The following GRM5 variants were observed in gnomAD, a reference collection of about 807,000 sequenced individuals.
GRM5 encodes metabotropic glutamate receptor 5.
Under a neutral mutation model 83.1 loss-of-function variants are expected in GRM5, and 19 were observed. That is an observed-to-expected ratio of 0.23 (90% confidence interval 0.16 to 0.34). The LOEUF (loss-of-function observed/expected upper bound fraction) is 0.34, where lower values mean the gene tolerates loss of function less well. Ranked by LOEUF, GRM5 falls within the 10% of genes least tolerant of loss-of-function variation. The probability of loss-of-function intolerance (pLI) is 1.00; values close to 1 mark genes in which losing one functional copy is unlikely to be tolerated. For synonymous variants in GRM5, 675 were observed against 633.6 expected (o/e 1.07, Z -0.98); for missense variants, 1,160 against 1,588.3 (o/e 0.73, Z 4.58).
rs547489355 is a variant in GRM5, at chr11:88,979,438, C to T, written c.661+67774G>A. ...ATACATATATCAAGTGACAAATGTT[C>T]TGTGAGTCTGACATAAATTTCCAAG... On this transcript the variant is annotated intron_variant, in intron 2 of 9. Coordinates refer to ENST00000305447, the MANE Select transcript of GRM5 (RefSeq NM_001143831.3). Among the ~76,000 whole-genome samples the T allele has an allele frequency of 8.5e-5, 13 of 152,266 alleles. No individual in the cohort carries two copies. The South Asian group carries it at 2.5e-3, about 29-fold the overall frequency.
intron 3 of GRM5, among the ~76,000 whole-genome samples, chr11:88,814,653 C>G (rs1943639754): frequency 6.6e-6 from 1 of 152,152 alleles, no homozygotes; most frequent in African/African-American, 2.4e-5. Context: ...TTCCAACTAA[C>G]TGAACTGCAT....
At chr11:88,587,019 C>T (rs992690542) in intron 7 of GRM5, among the ~76,000 whole-genome samples, 2 of 152,050 alleles carry the variant, frequency 1.3e-5, no homozygotes, top group African/African-American at 2.4e-5. Context: ...ACGTATTTAC[C>T]GAAAGCTTAC....
chr11:88,984,542 G>A (rs1939634756), intron 2 of GRM5, among the ~76,000 whole-genome samples: 2 of 152,024 alleles, frequency 1.3e-5, no homozygotes, highest in South Asian at 4.1e-4. Flanking sequence ...AGTGACATAT[G>A]ACTATAAATG....
At chr11:88,974,894 A>C (rs1415715655) in intron 2 of GRM5, among the ~76,000 whole-genome samples, 1 of 152,238 alleles carries the variant, frequency 6.6e-6, no homozygotes, top group Non-Finnish European at 1.5e-5. Context: ...GAAGTGATTC[A>C]TAAGAAGTAG....
chr11:89,048,082 A>G lies in GRM5; in HGVS notation c.-200-10T>C, dbSNP rs1462953611. The stretch of plus-strand genomic sequence containing the variant: ...TCATGATCTTCTAAACCTGAAAAAA[A>G]AAAAATAACATGGGTCTTTAACAAA... On this transcript the variant is annotated splice_polypyrimidine_tract_variant and intron_variant, in intron 1 of 9. Transcript: ENST00000305447. The G allele has an allele frequency of 3.2e-5, 17 of 535,850 alleles. No individual in the cohort carries two copies. Among genetic ancestry groups the G allele is most frequent in the Non-Finnish European group, 4.6e-5 (14 of 302,004 alleles). 33.2% of individuals were successfully genotyped at this position (535,850 alleles called of 1,614,324 possible). A position where few individuals can be genotyped will look rare whatever the true frequency, so the allele number is the denominator to read the frequency against.
At chr11:88,667,778 A>G (rs1337285038) in intron 3 of GRM5, among the ~76,000 whole-genome samples, 1 of 152,112 alleles carries the variant, frequency 6.6e-6, no homozygotes, top group Non-Finnish European at 1.5e-5. Flanking sequence ...CTGTAGTCCC[A>G]GCTACTTGGG....
intron 2 of GRM5, among the ~76,000 whole-genome samples, chr11:88,971,144 G>A (rs192512934): frequency 6.6e-6 from 1 of 152,112 alleles, no homozygotes; most frequent in East Asian, 1.9e-4. Flanking sequence ...AGATAGTTTT[G>A]GAATGCAAGT....
intron 2 of GRM5, among the ~76,000 whole-genome samples, chr11:89,034,304 G>T (rs931702299): frequency 2.6e-5 from 4 of 151,728 alleles, no homozygotes; most frequent in African/African-American, 9.7e-5. Flanking sequence ...TAAACAAAAA[G>T]GAATTACTTA....
At chr11:88,771,844 G>A (rs917804918) in intron 3 of GRM5, among the ~76,000 whole-genome samples, 1 of 152,102 alleles carries the variant, frequency 6.6e-6, no homozygotes, top group African/African-American at 2.4e-5. Flanking sequence ...TCGGCATACA[G>A]AAAAGTTTCA....
chr11:88,534,240 G>A (rs1321499416), intron 8 of GRM5, among the ~76,000 whole-genome samples: 2 of 152,170 alleles, frequency 1.3e-5, no homozygotes, highest in South Asian at 2.1e-4. Flanking sequence ...TCCTCCAGAC[G>A]CCAGAATGTA....
intron 3 of GRM5, among the ~76,000 whole-genome samples, chr11:88,654,416 C>T (rs1939715359): frequency 6.6e-6 from 1 of 152,024 alleles, no homozygotes; most frequent in African/African-American, 2.4e-5. Flanking sequence ...GGTATATACA[C>T]AGTTTGTGCT....
chr11:88,740,818 G>C (rs1942012670), intron 3 of GRM5, among the ~76,000 whole-genome samples: 1 of 152,062 alleles, frequency 6.6e-6, no homozygotes. Context: ...AAGGAAGCTA[G>C]GATTAAGCAG....
chr11:88,854,654 A>G (rs1480128033), intron 2 of GRM5, among the ~76,000 whole-genome samples: 2 of 151,976 alleles, frequency 1.3e-5, no homozygotes, highest in Admixed American at 1.3e-4. Context: ...GAAGGGAGTA[A>G]GGGTTGAAAA....
intron 2 of GRM5, among the ~76,000 whole-genome samples, chr11:88,868,150 C>T (rs371204684): frequency 6.6e-6 from 1 of 151,924 alleles, no homozygotes; most frequent in South Asian, 2.1e-4. Context: ...ATCACCAGAC[C>T]AAAGTCTGGC....
chr11:88,991,280 A>C (rs1382584274), intron 2 of GRM5, among the ~76,000 whole-genome samples: 2 of 152,154 alleles, frequency 1.3e-5, no homozygotes, highest in African/African-American at 4.8e-5. Flanking sequence ...CAAAGGAATA[A>C]AATACCTAGG....
intron 2 of GRM5, among the ~76,000 whole-genome samples, chr11:88,865,934 T>C (rs1944655669): frequency 6.6e-6 from 1 of 152,028 alleles, no homozygotes; most frequent in Non-Finnish European, 1.5e-5. Flanking sequence ...TGTGGAGAAA[T>C]AGGAACACTT....
chr11:89,019,871 G>A (rs1193895150), intron 2 of GRM5, among the ~76,000 whole-genome samples: 2 of 152,166 alleles, frequency 1.3e-5, no homozygotes, highest in Non-Finnish European at 2.9e-5. Context: ...AATGAAAGAG[G>A]CTGTACTGCC....
chr11:88,553,638 C>T (rs1285483786), intron 8 of GRM5, among the ~76,000 whole-genome samples: 1 of 152,062 alleles, frequency 6.6e-6, no homozygotes, highest in East Asian at 1.9e-4. Flanking sequence ...CTTGTTTATC[C>T]CTGAGGAATA....
At chr11:89,063,184 C>T (rs1267476933) in intron 1 of GRM5, among the ~76,000 whole-genome samples, 3 of 152,224 alleles carry the variant, frequency 2.0e-5, no homozygotes, top group Non-Finnish European at 4.4e-5. Flanking sequence ...GCATTCGAAA[C>T]CACGCGCACC....
Sources: gnomAD v4.1 joint callset for allele counts (sites outside exome capture counted in the v4.1 genomes callset) on GRCh38, gnomAD v4.1.1 for gene constraint, MANE v1.5 for transcripts, NCBI Gene and HGNC (gene_info 2026-07-23, HGNC 2026-07-21) for gene names.